The following C8orf34 variants were observed in gnomAD, a reference collection of about 807,000 sequenced individuals.
C8orf34 encodes the protein uncharacterized protein C8orf34.
C8orf34 carries 65 observed loss-of-function variants against 68.3 expected under a neutral mutation model. The observed-to-expected ratio is 0.95, with a 90% CI of 0.78 to 1.17. C8orf34 has a LOEUF of 1.17. Ranked by LOEUF, C8orf34 falls within the 50% of genes most tolerant of loss-of-function variation. The pLI, the probability that C8orf34 is intolerant of heterozygous loss-of-function variation, is 0.00. For synonymous variants in C8orf34, 244 were observed against 241.2 expected (o/e 1.01, Z -0.11); for missense variants, 664 against 655.4 (o/e 1.01, Z -0.14).
chr8:68,633,072 A>G (rs1241361894), intron 7 of C8orf34, among the ~76,000 whole-genome samples: 2 of 152,222 alleles, frequency 1.3e-5, no homozygotes, highest in Non-Finnish European at 2.9e-5. Flanking sequence ...TTAAAAAATA[A>G]TCAACCAACA....
At chr8:68,712,276 A>G (rs1044245118) in intron 9 of C8orf34, among the ~76,000 whole-genome samples, 1 of 152,048 alleles carries the variant, frequency 6.6e-6, no homozygotes, top group Non-Finnish European at 1.5e-5. Context: ...CAATAACACA[A>G]TGAAAAAAAA....
chr8:68,454,237 A>G (rs2129627885), intron 3 of C8orf34, among the ~76,000 whole-genome samples: 1 of 152,108 alleles, frequency 6.6e-6, no homozygotes, highest in East Asian at 1.9e-4. Flanking sequence ...CTTTTCTGGT[A>G]ATGTCTTTAT....
chr8:68,750,337 A>G (rs1218910136), intron 10 of C8orf34, among the ~76,000 whole-genome samples: 3 of 152,206 alleles, frequency 2.0e-5, no homozygotes, highest in Admixed American at 2.0e-4. Flanking sequence ...ACACTAAGTA[A>G]AAGAGGCCAG....
chr8:68,799,779 T>G (rs911047793), intron 12 of C8orf34, among the ~76,000 whole-genome samples: 2 of 152,110 alleles, frequency 1.3e-5, no homozygotes, highest in Admixed American at 6.6e-5. Flanking sequence ...AAGTAAAATG[T>G]TAAAGAAACC....
At chr8:68,339,365 A>C (rs1378589871) in intron 1 of C8orf34, among the ~76,000 whole-genome samples, 1 of 152,022 alleles carries the variant, frequency 6.6e-6, no homozygotes, top group Non-Finnish European at 1.5e-5. Context: ...ATGTTCAAGC[A>C]AACAACCATC....
At chr8:68,616,616 A>G (rs544757410) in intron 7 of C8orf34, among the ~76,000 whole-genome samples, 14 of 152,204 alleles carry the variant, frequency 9.2e-5, no homozygotes, top group Admixed American at 3.9e-4. Context: ...GAGTTTCTTA[A>G]TCCTGAGTTC....
chr8:68,441,481 A>G (rs528910511), intron 2 of C8orf34, among the ~76,000 whole-genome samples: 99 of 151,480 alleles, frequency 6.5e-4, no homozygotes, highest in African/African-American at 2.2e-3. Context: ...CATCTTCTTC[A>G]TCTTCCTTCT....
chr8:68,430,263 A>C (rs1810399501), intron 1 of C8orf34, among the ~76,000 whole-genome samples: 1 of 152,272 alleles, frequency 6.6e-6, no homozygotes, highest in East Asian at 1.9e-4. Context: ...AGGATGGTGC[A>C]CCCCGACCCC....
intron 8 of C8orf34, among the ~76,000 whole-genome samples, chr8:68,677,993 T>C (rs559249937): frequency 1.3e-5 from 2 of 152,156 alleles, no homozygotes; most frequent in South Asian, 4.2e-4. Flanking sequence ...AAGAAGTGGA[T>C]AAACTCCTAG....
chr8:68,503,866 GTTAA>G (rs1161681191), intron 5 of C8orf34, among the ~76,000 whole-genome samples: 2 of 152,016 alleles, frequency 1.3e-5, no homozygotes, highest in East Asian at 1.9e-4. Flanking sequence ...TCTGGATTTA[GTTAA>G]TTAGTCTACT....
chr8:68,660,265 C>G (rs774440654), intron 8 of C8orf34, among the ~76,000 whole-genome samples: 17 of 152,092 alleles, frequency 1.1e-4, no homozygotes, highest in African/African-American at 2.2e-4. Context: ...AAGAGGGGAA[C>G]AAGCTGTCCC....
At chr8:68,732,938 C>T (rs1822022224) in intron 10 of C8orf34, among the ~76,000 whole-genome samples, 1 of 152,102 alleles carries the variant, frequency 6.6e-6, no homozygotes, top group African/African-American at 2.4e-5. Flanking sequence ...GTGGCAGGCA[C>T]CTGTAACCCC....
intron 1 of C8orf34, 24 bp downstream of exon 1, chr8:68,331,363 G>C: frequency 2.0e-6 from 3 of 1,533,224 alleles, no homozygotes; most frequent in Non-Finnish European, 2.6e-6. Context: ...GAGGAGGGCA[G>C]TCCCGTTGTC....
intron 10 of C8orf34, among the ~76,000 whole-genome samples, chr8:68,761,765 T>C (rs1464651201): frequency 6.6e-6 from 1 of 152,210 alleles, no homozygotes; most frequent in African/African-American, 2.4e-5. Context: ...AATAGCTTTT[T>C]TAGTAGCTTC....
At chr8:68,544,810 C>T (rs4321986) in intron 7 of C8orf34, among the ~76,000 whole-genome samples, 16,828 of 151,846 alleles carry the variant, frequency 0.11, 1,160 homozygotes, top group Non-Finnish European at 0.15. Context: ...GAAAAAAAAT[C>T]AGCAAATTTG....
chr8:68,728,746 A>G (rs1053292264), intron 10 of C8orf34, among the ~76,000 whole-genome samples: 1 of 152,218 alleles, frequency 6.6e-6, no homozygotes, highest in Non-Finnish European at 1.5e-5. Context: ...AACATGTGGG[A>G]ATTCTGAGAG....
At chr8:68,377,071 C>T (rs1807834031) in intron 1 of C8orf34, among the ~76,000 whole-genome samples, 1 of 151,914 alleles carries the variant, frequency 6.6e-6, no homozygotes, top group Non-Finnish European at 1.5e-5. Flanking sequence ...CTTCATGGAG[C>T]CCTGAATGTG....
chr8:68,568,339 CT>C (rs1816659006), intron 7 of C8orf34, among the ~76,000 whole-genome samples: 1 of 152,112 alleles, frequency 6.6e-6, no homozygotes, highest in Non-Finnish European at 1.5e-5. Context: ...TTGGCTTTCC[CT>C]GTGTCTCTCT....
At chr8:68,479,185 G>T (rs1358333434) in intron 4 of C8orf34, among the ~76,000 whole-genome samples, 3 of 152,224 alleles carry the variant, frequency 2.0e-5, no homozygotes, top group African/African-American at 7.2e-5. Flanking sequence ...GAGACTACTG[G>T]AAGCAGAAGC....
Sources: allele counts gnomAD v4.1 joint callset (sites outside exome capture counted in the v4.1 genomes callset), GRCh38; gene constraint gnomAD v4.1.1; transcripts MANE v1.5; gene names NCBI Gene and HGNC (gene_info 2026-07-23, HGNC 2026-07-21).